The following OPCML variants were observed in gnomAD, a reference collection of about 807,000 sequenced individuals.
The protein encoded by OPCML is opioid-binding protein/cell adhesion molecule.
In OPCML, 13 loss-of-function variants were observed where a neutral mutation model predicts 37.8. The observed-to-expected ratio is 0.34, with a 90% confidence interval of 0.22 to 0.55. The LOEUF (loss-of-function observed/expected upper bound fraction) is 0.55, where lower values mean the gene tolerates loss of function less well. Ranked by LOEUF, OPCML falls within the 20% of genes least tolerant of loss-of-function variation. The pLI, the probability that OPCML is intolerant of heterozygous loss-of-function variation, is 0.91. For missense variants in OPCML, 341 were observed against 435.6 expected (o/e 0.78, Z 1.93); for synonymous variants, 176 against 168.8 (o/e 1.04, Z -0.33).
At chr11:133,332,647 C>G (rs1292257057) in intron 1 of OPCML, among the ~76,000 whole-genome samples, 2 of 151,998 alleles carry the variant, frequency 1.3e-5, no homozygotes, top group Non-Finnish European at 2.9e-5. Flanking sequence ...AAGTTTTTAA[C>G]ATGAAGTTAA....
intron 1 of OPCML, among the ~76,000 whole-genome samples, chr11:133,430,944 A>T (rs561883325): frequency 1.3e-5 from 2 of 152,310 alleles, no homozygotes; most frequent in South Asian, 4.1e-4. Flanking sequence ...CAGAAAGCAG[A>T]TTGGCTTTAT....
Position 132,838,794 on chromosome 11 carries a change from G to T in OPCML, c.146+104132C>A, listed in dbSNP as rs144701534. Among the ~76,000 whole-genome samples, 92 of 152,206 alleles carry T rather than the reference G, an allele frequency of 6.0e-4. 1 individual carries two copies. Among genetic ancestry groups the T allele is most frequent in the African/African-American group, 2.1e-3 (88 of 41,524 alleles). ...TAGAGATCAGAGTCATTCATGGCAC[G>T]GCCGCCGCCCTATGAGGAAGCAGCA... On this transcript the variant is annotated intron_variant, in intron 2 of 7. Transcript: ENST00000524381.
intron 1 of OPCML, among the ~76,000 whole-genome samples, chr11:133,132,801 C>A (rs1320513196): frequency 6.6e-6 from 1 of 150,690 alleles, no homozygotes; most frequent in South Asian, 2.1e-4. Context: ...ATAGAAAATG[C>A]AACTCATCCA....
chr11:133,389,429 G>A (rs1041747053), intron 1 of OPCML, among the ~76,000 whole-genome samples: 1 of 152,052 alleles, frequency 6.6e-6, no homozygotes, highest in Admixed American at 6.5e-5. Context: ...TGACCTCGCC[G>A]GTTAAGGCAT....
Position 132,759,805 on chromosome 11 carries a change from T to C in OPCML, c.147-102486A>G, listed in dbSNP as rs564090418. 8.5e-5 allele frequency among the ~76,000 whole-genome samples: 13 copies of C among 152,342 alleles called. No homozygotes were observed. In the South Asian group the frequency reaches 1.4e-3, roughly 17 times the overall value. On this transcript the variant is annotated intron_variant, in intron 2 of 7. Coordinates refer to ENST00000524381, the MANE Select transcript of OPCML (RefSeq NM_001012393.5). ...TTCGTGTCTCTATTTTCTTCAGTTC[T>C]ACTCTGATCTTAGTCATTTCTTGCC...
intron 1 of OPCML, among the ~76,000 whole-genome samples, chr11:132,959,961 C>A (rs1185018628): frequency 2.0e-5 from 3 of 152,158 alleles, no homozygotes; most frequent in Non-Finnish European, 4.4e-5. Flanking sequence ...AAAACTCCAA[C>A]CTTCCATTAA....
intron 4 of OPCML, among the ~76,000 whole-genome samples, chr11:132,459,736 A>G (rs1290517469): frequency 1.0e-5 from 1 of 96,804 alleles, no homozygotes; most frequent in East Asian, 1.3e-3. Flanking sequence ...TCGTTATACG[A>G]AAGTTAAAAA....
chr11:133,442,315 C>T (rs1565636176), intron 1 of OPCML, among the ~76,000 whole-genome samples: 1 of 152,074 alleles, frequency 6.6e-6, no homozygotes, highest in East Asian at 1.9e-4. Context: ...AAGGGTGAGA[C>T]AAACTTTTTA....
At chr11:133,115,757 G>GA (rs1189366371) in intron 1 of OPCML, among the ~76,000 whole-genome samples, 3 of 151,854 alleles carry the variant, frequency 2.0e-5, no homozygotes, top group Admixed American at 2.0e-4. Context: ...AAACTTAGAG[G>GA]AAAAACATGA....
At chr11:132,947,958 C>T (rs555100566) in intron 1 of OPCML, among the ~76,000 whole-genome samples, 1 of 152,282 alleles carries the variant, frequency 6.6e-6, no homozygotes, top group Admixed American at 6.5e-5. Context: ...CCTTTGAGCA[C>T]CATGTCTGTC....
At chr11:132,752,492 G>A (rs1945867987) in intron 2 of OPCML, among the ~76,000 whole-genome samples, 1 of 152,034 alleles carries the variant, frequency 6.6e-6, no homozygotes. Flanking sequence ...AGGAGCCTTG[G>A]AGAGAAATGC....
chr11:132,690,651 A>G (rs1401618842), intron 2 of OPCML, among the ~76,000 whole-genome samples: 1 of 152,178 alleles, frequency 6.6e-6, no homozygotes, highest in East Asian at 1.9e-4. Context: ...TCATTCAAAC[A>G]TGGGATGTTT....
At chr11:132,932,307 A>G (rs1042841698) in intron 2 of OPCML, among the ~76,000 whole-genome samples, 92 of 152,270 alleles carry the variant, frequency 6.0e-4, no homozygotes, top group Non-Finnish European at 5.9e-5. Flanking sequence ...TACATGATAC[A>G]TTCTACGTAT....
At chr11:132,937,568 T>A (rs1945424451) in intron 2 of OPCML, among the ~76,000 whole-genome samples, 1 of 147,776 alleles carries the variant, frequency 6.8e-6, no homozygotes, top group South Asian at 2.2e-4. Context: ...GTGTGTCGTG[T>A]GTGTGTGGTG....
At chr11:133,183,491 C>A (rs1385609831) in intron 1 of OPCML, among the ~76,000 whole-genome samples, 2 of 152,198 alleles carry the variant, frequency 1.3e-5, no homozygotes, top group Non-Finnish European at 2.9e-5. Context: ...ATGACTGTCT[C>A]ATGACTGGAA....
intron 1 of OPCML, among the ~76,000 whole-genome samples, chr11:133,419,561 T>C (rs1393433022): frequency 6.6e-6 from 1 of 152,226 alleles, no homozygotes; most frequent in African/African-American, 2.4e-5. Flanking sequence ...GTAATTTCTG[T>C]TCATTTTCTC....
chr11:132,856,042 G>T (rs1274590215), intron 2 of OPCML, among the ~76,000 whole-genome samples: 3 of 152,136 alleles, frequency 2.0e-5, no homozygotes, highest in African/African-American at 7.2e-5. Context: ...CTTCTCTAAG[G>T]AGGAGTGCTT....
At chr11:133,494,718 T>A in intron 1 of OPCML, among the ~76,000 whole-genome samples, 1 of 118,326 alleles carries the variant, frequency 8.5e-6, no homozygotes, top group Non-Finnish European at 1.6e-5. Flanking sequence ...CTGGGGACTG[T>A]TGTGGGGCGG....
intron 2 of OPCML, among the ~76,000 whole-genome samples, chr11:132,939,904 C>G (rs557767469): frequency 1.6e-4 from 24 of 152,306 alleles, no homozygotes; most frequent in South Asian, 1.2e-3. Flanking sequence ...GAATTCAAAT[C>G]AGATTCATGG....
Sources: gnomAD v4.1 joint callset for allele counts (sites outside exome capture counted in the v4.1 genomes callset) on GRCh38, gnomAD v4.1.1 for gene constraint, MANE v1.5 for transcripts, NCBI Gene and HGNC (gene_info 2026-07-23, HGNC 2026-07-21) for gene names.